BACE1: variants seen among roughly 807,000 people sequenced by gnomAD.
BACE1 encodes APP beta-secretase.
BACE1 carries 21 observed loss-of-function variants against 54.0 expected under a neutral mutation model. That is an observed-to-expected ratio of 0.39 (90% confidence interval 0.28 to 0.56). BACE1 has a LOEUF of 0.56. BACE1 is among the 20% of genes least tolerant of loss of function. BACE1 has a pLI of 0.63. For missense variants in BACE1, 511 were observed against 661.2 expected (o/e 0.77, Z 2.49); for synonymous variants, 232 against 260.9 (o/e 0.89, Z 1.07).
chr11:117,291,939 C>G, intron 5 of BACE1, 126 bp from the exon 6 acceptor site: 1 of 597,736 alleles, frequency 1.7e-6, no homozygotes, highest in Non-Finnish European at 3.1e-6. Flanking sequence ...CTAAGTGTAC[C>G]TGCTTGGACA....
At chr11:117,296,746 C>T in intron 2 of BACE1, 127 bp downstream of exon 2, 1 of 717,726 alleles carries the variant, frequency 1.4e-6, no homozygotes, top group Middle Eastern at 4.0e-4. Context: ...CTTTTTTTCG[C>T]CCTTCCCCTT....
intron 1 of BACE1, among the ~76,000 whole-genome samples, chr11:117,313,116 G>C (rs569343763): frequency 2.6e-5 from 4 of 152,176 alleles, no homozygotes; most frequent in Non-Finnish European, 5.9e-5. Flanking sequence ...TACAACAGCC[G>C]CGCCAGGTAG....
chr11:117,300,581 C>A (rs973899451), intron 1 of BACE1, among the ~76,000 whole-genome samples: 1 of 152,178 alleles, frequency 6.6e-6, no homozygotes, highest in African/African-American at 2.4e-5. Flanking sequence ...CTGCAGCCGC[C>A]GAACCCCAGC....
intron 7 of BACE1, 25 bp downstream of exon 7, chr11:117,290,875 C>A: frequency 1.2e-6 from 2 of 1,609,612 alleles, no homozygotes; most frequent in African/African-American, 1.3e-5. Context: ...TAAGAGAGAT[C>A]CCCCTGACTC....
rs766399337 is a variant in BACE1 at position 117,293,815 on chromosome 11, A to T, written c.705+56T>A. ...GTGTAGCTTTCAGGAAGGGGAGAGG[A>T]TGGCACCCATCTCTCCCTCAATGCC... On this transcript the variant is annotated intron_variant, in intron 4 of 8. Coordinates refer to ENST00000313005, the MANE Select transcript of BACE1 (RefSeq NM_012104.6). The surrounding 1 kb of genome is among the most constrained non-coding windows in gnomAD (Gnocchi z 4.1). 1.7e-5 allele frequency: 26 copies of T among 1,549,054 alleles called. No homozygotes were observed. The highest frequency in any genetic ancestry group is 2.0e-5 in the Non-Finnish European group (23 of 1,145,292).
Position 117,293,219 on chromosome 11 carries a change from C to T in BACE1, c.706-31G>A. On this transcript the variant is annotated intron_variant, in intron 4 of 8. Transcript: ENST00000313005. This position sits in a 1 kb window ranked among gnomAD's most constrained non-coding sequence, Gnocchi z 4.1. ...GAAAAAAAGAGGCAGGTACCCGTGT[C>T]CTGGCACAGAAGGAGAGTGAGTCCC... 6.2e-7 allele frequency: 1 copy of T among 1,610,104 alleles called. No individual in the cohort carries two copies. Among genetic ancestry groups the T allele is most frequent in the Non-Finnish European group, 8.5e-7 (1 of 1,178,372 alleles).
At position 117,315,299 on chromosome 11, in the gene BACE1, C is replaced by CGTATGTGTCAGATGA. The variant is rs1348635851; in HGVS notation, c.261+221_261+235dup. Among the ~76,000 whole-genome samples the CGTATGTGTCAGATGA allele has an allele frequency of 5.3e-5, 8 of 152,126 alleles. No individual in the cohort carries two copies. The highest frequency in any genetic ancestry group is 1.9e-4 in the African/African-American group (8 of 41,408). Reference sequence around the variant, plus strand: ...TCTTGCCTCAAATCCTTCCAGACGGCGTATGTGTCAGATGAGGAGCAAGGG... The same window carrying CGTATGTGTCAGATGA: ...TCTTGCCTCAAATCCTTCCAGACGGCGTATGTGTCAGATGAGTATGTGTCAGATGAGGAGCAAGGG... On this transcript the variant is annotated intron_variant, in intron 1 of 8. Coordinates refer to ENST00000313005, the MANE Select transcript of BACE1 (RefSeq NM_012104.6). The surrounding 1 kb of genome is among the most constrained non-coding windows in gnomAD (Gnocchi z 5.5).
At chr11:117,290,209 G>A (rs1005415403) in intron 8 of BACE1, among the ~76,000 whole-genome samples, 5 of 152,180 alleles carry the variant, frequency 3.3e-5, no homozygotes, top group Non-Finnish European at 2.9e-5. Context: ...TATAGACTCA[G>A]TCTGCTACCC....
chr11:117,303,485 C>T (rs1376616636), intron 1 of BACE1, among the ~76,000 whole-genome samples: 1 of 152,216 alleles, frequency 6.6e-6, no homozygotes, highest in South Asian at 2.1e-4. Flanking sequence ...AGGTATGGAG[C>T]TGGCAAGCTT....
chr11:117,289,880 G>C (rs2034367809), intron 8 of BACE1, 73 bp from the exon 9 acceptor site: 1 of 1,361,038 alleles, frequency 7.3e-7, no homozygotes, highest in African/African-American at 1.4e-5. Flanking sequence ...CTTCCTGATA[G>C]TGAGGCCTTG....
In BACE1 at chr11:117,293,643, T is replaced by A; in HGVS notation, c.705+228A>T. On this transcript the variant is annotated intron_variant, in intron 4 of 8. Transcript: ENST00000313005. The surrounding 1 kb of genome is among the most constrained non-coding windows in gnomAD (Gnocchi z 4.1). ...CTTATTTTCATTTCCTTTGAAATTT[T>A]CCTAATTGCCTTCCTTTCCAAGTTT... 1 of 398,192 alleles carries A rather than the reference T, an allele frequency of 2.5e-6. No individual in the cohort carries two copies. Among genetic ancestry groups the A allele is most frequent in the Non-Finnish European group, 4.3e-6 (1 of 232,190 alleles). The allele number at this position is 398,192 out of a possible 1,614,324, so 24.7% of individuals were successfully genotyped here. A position where few individuals can be genotyped will look rare whatever the true frequency, so the allele number is the denominator to read the frequency against.
Position 117,291,727 on chromosome 11 carries a change from G to T in BACE1, c.927C>A (p.Ile309=). The change falls in exon 6 of 9, where the codon ATC becomes ATA. Residue 309 remains isoleucine, a synonymous_variant. Transcript: ENST00000313005. Reference sequence around the variant, plus strand: ...GTCCACTCACGGAGGAGGCTGCCTTGATGGATTTGACTGCAGCTTCAAACA... The same window carrying T: ...GTCCACTCACGGAGGAGGCTGCCTTTATGGATTTGACTGCAGCTTCAAACA... ...KKVFEAAVKS[I]KAASSTEKFP... is the part of the protein sequence containing the mutation. 6.2e-7 allele frequency: 1 copy of T among 1,612,926 alleles called. No individual in the cohort carries two copies. The highest frequency in any genetic ancestry group is 8.5e-7 in the Non-Finnish European group (1 of 1,179,004).
At chr11:117,310,156 G>A (rs919100203) in intron 1 of BACE1, among the ~76,000 whole-genome samples, 5 of 152,258 alleles carry the variant, frequency 3.3e-5, no homozygotes, top group Non-Finnish European at 5.9e-5. Context: ...TGATCCACCC[G>A]CCTCGGCCTC....
Position 117,315,201 on chromosome 11 carries a change from G to A in BACE1, c.261+334C>T, listed in dbSNP as rs1201487664. On this transcript the variant is annotated intron_variant, in intron 1 of 8. Transcript: ENST00000313005. This position sits in a 1 kb window ranked among gnomAD's most constrained non-coding sequence, Gnocchi z 5.5. The stretch of plus-strand genomic sequence containing the variant: ...GACTCGGACTGGGCCACTGTCAGAG[G>A]GGGCTGACACCTGTTATAGTGCCCC... Among the ~76,000 whole-genome samples, 1 of 152,202 alleles carries A rather than the reference G, an allele frequency of 6.6e-6. No individual in the cohort carries two copies. The highest frequency in any genetic ancestry group is 2.4e-5 in the African/African-American group (1 of 41,440).
In BACE1 at chr11:117,315,803, C is replaced by T. The variant is rs1011201432; in HGVS notation, c.-8G>A. On this transcript the variant is annotated 5_prime_UTR_variant, in exon 1 of 9. Coordinates refer to ENST00000313005, the MANE Select transcript of BACE1 (RefSeq NM_012104.6). The surrounding 1 kb of genome is among the most constrained non-coding windows in gnomAD (Gnocchi z 5.5). ...GGGCAGGGCTTGGGCCATGGTGGGC[C>T]CCGGCCTTCGGGCCCTCTGGGCTCG... 7.1e-7 allele frequency: 1 copy of T among 1,400,868 alleles called. No individual in the cohort carries two copies. The highest frequency in any genetic ancestry group is 9.2e-7 in the Non-Finnish European group (1 of 1,086,432). 86.8% of individuals were successfully genotyped at this position (1,400,868 alleles called of 1,614,324 possible).
intron 1 of BACE1, among the ~76,000 whole-genome samples, chr11:117,298,875 G>A (rs1159975413): frequency 6.6e-6 from 1 of 152,052 alleles, no homozygotes; most frequent in South Asian, 2.1e-4. Context: ...GCGCGATCTC[G>A]GCTCACTGCC....
Position 117,316,088 on chromosome 11 carries a change from G to A in BACE1, c.-293C>T, listed in dbSNP as rs553103974. On this transcript the variant is annotated 5_prime_UTR_variant, in exon 1 of 9. Transcript: ENST00000313005. ...GCGCGGGCTCCCGGCGGGGCTGGGA[G>A]GGGCGGGCATGGCGGGCCGGTGGCG... 1.0e-5 allele frequency: 4 copies of A among 394,848 alleles called. No homozygotes were observed. In the Admixed American group the frequency reaches 1.8e-4, roughly 18 times the overall value. The allele number at this position is 394,848 out of a possible 1,614,324, so 24.5% of individuals were successfully genotyped here.
chr11:117,298,994 C>T (rs933021015), intron 1 of BACE1, among the ~76,000 whole-genome samples: 7 of 152,042 alleles, frequency 4.6e-5, no homozygotes, highest in African/African-American at 1.2e-4. Context: ...TTAGTAGAGA[C>T]GAGGTTTCAC....
intron 1 of BACE1, among the ~76,000 whole-genome samples, chr11:117,300,670 C>T (rs935040874): frequency 1.3e-5 from 2 of 152,176 alleles, no homozygotes; most frequent in Non-Finnish European, 2.9e-5. Flanking sequence ...ACCACACCAA[C>T]CTGCCTGCGG....
Sources: allele counts gnomAD v4.1 joint callset (sites outside exome capture counted in the v4.1 genomes callset), GRCh38; gene constraint gnomAD v4.1.1; non-coding constraint Gnocchi (gnomAD v3.1); transcripts MANE v1.5; gene names NCBI Gene and HGNC (gene_info 2026-07-23, HGNC 2026-07-21).